Variants in TUSC3 observed in about 807,000 individuals in gnomAD.
TUSC3 encodes the protein dolichyl-diphosphooligosaccharide--protein glycosyltransferase subunit TUSC3.
Under a neutral mutation model 44.8 loss-of-function variants are expected in TUSC3, and 45 were observed. The observed-to-expected ratio is 1.00, with a 90% CI of 0.79 to 1.29. The LOEUF (loss-of-function observed/expected upper bound fraction) is 1.29. Ranked by LOEUF, TUSC3 falls within the 50% of genes most tolerant of loss-of-function variation. TUSC3 has a pLI of 0.00. For missense variants in TUSC3, 519 were observed against 437.9 expected (o/e 1.19, Z -1.65); for synonymous variants, 212 against 152.9 (o/e 1.39, Z -2.85).
At chr8:15,523,702 G>GTATATATATATATATATATA (rs1563273682) in intron 2 of TUSC3, among the ~76,000 whole-genome samples, 9 of 112,030 alleles carry the variant, frequency 8.0e-5, no homozygotes, top group African/African-American at 3.2e-4. Flanking sequence ...GTGTGTGTGT[G>GTATATATATATATATATATA]TGTGTGTATA....
chr8:15,620,560 G>A (rs1805199304), intron 1 of TUSC3, among the ~76,000 whole-genome samples: 2 of 152,108 alleles, frequency 1.3e-5, no homozygotes, highest in African/African-American at 4.8e-5. Flanking sequence ...TATAGTAATT[G>A]TATGATAACT....
intron 9 of TUSC3, among the ~76,000 whole-genome samples, chr8:15,750,819 C>T (rs1811666038): frequency 6.6e-6 from 1 of 152,032 alleles, no homozygotes; most frequent in African/African-American, 2.4e-5. Context: ...GATTTGCCTT[C>T]AGCAGGCCTC....
At chr8:15,632,667 A>G (rs1430889856) in intron 2 of TUSC3, among the ~76,000 whole-genome samples, 1 of 152,158 alleles carries the variant, frequency 6.6e-6, no homozygotes, top group East Asian at 1.9e-4. Context: ...TGAAATGGAG[A>G]TTTTCAAATT....
intron 1 of TUSC3, among the ~76,000 whole-genome samples, chr8:15,567,906 A>G (rs1469153922): frequency 6.6e-6 from 1 of 152,156 alleles, no homozygotes; most frequent in African/African-American, 2.4e-5. Context: ...TGGTAATGAA[A>G]GACACATTGA....
At chr8:15,612,652 C>G (rs1260227645) in intron 1 of TUSC3, among the ~76,000 whole-genome samples, 1 of 152,094 alleles carries the variant, frequency 6.6e-6, no homozygotes, top group Admixed American at 6.6e-5. Flanking sequence ...GAGGAATGGG[C>G]ATCTGAACGT....
chr8:15,747,651 G>A (rs1322799115), intron 8 of TUSC3, among the ~76,000 whole-genome samples: 1 of 152,010 alleles, frequency 6.6e-6, no homozygotes, highest in African/African-American at 2.4e-5. Context: ...AAGGAAATGA[G>A]AAAATAAAGT....
At chr8:15,540,824 C>T (rs1469802817) in intron 1 of TUSC3, among the ~76,000 whole-genome samples, 1 of 152,200 alleles carries the variant, frequency 6.6e-6, no homozygotes, top group African/African-American at 2.4e-5. Context: ...AGACCCAGGG[C>T]GCCTTTATTC....
intron 3 of TUSC3, among the ~76,000 whole-genome samples, chr8:15,653,179 A>G (rs552102659): frequency 6.6e-6 from 1 of 152,282 alleles, no homozygotes; most frequent in East Asian, 1.9e-4. Context: ...TTGAGGAAGC[A>G]GTATGGTGTG....
intron 1 of TUSC3, among the ~76,000 whole-genome samples, chr8:15,604,245 A>C (rs1804425631): frequency 6.6e-6 from 1 of 151,698 alleles, no homozygotes; most frequent in Non-Finnish European, 1.5e-5. Context: ...TATACACATA[A>C]AGATAGATTT....
intron 1 of TUSC3, among the ~76,000 whole-genome samples, chr8:15,428,945 C>T (rs576178308): frequency 2.6e-4 from 40 of 152,250 alleles, no homozygotes; most frequent in South Asian, 1.0e-3. Flanking sequence ...ATGGTGGTTG[C>T]TTTTGCTGTG....
intron 2 of TUSC3, among the ~76,000 whole-genome samples, chr8:15,625,760 A>G (rs539849066): frequency 6.6e-6 from 1 of 152,346 alleles, no homozygotes; most frequent in African/African-American, 2.4e-5. Flanking sequence ...GTGTTCTAAA[A>G]TTTCTAAGAA....
At chr8:15,577,762 T>C (rs1354857863) in intron 1 of TUSC3, among the ~76,000 whole-genome samples, 1 of 143,190 alleles carries the variant, frequency 7.0e-6, no homozygotes, top group East Asian at 2.1e-4. Flanking sequence ...CCTCCAGCTT[T>C]GTTCTTTTGG....
At chr8:15,423,703 G>A (rs1799766278) in intron 1 of TUSC3, among the ~76,000 whole-genome samples, 1 of 151,966 alleles carries the variant, frequency 6.6e-6, no homozygotes, top group East Asian at 1.9e-4. Context: ...GGGGAGAGTG[G>A]GCTTTCTCCA....
At chr8:15,776,106 G>T in the TUSC3 span, among the ~76,000 whole-genome samples, 1 of 151,982 alleles carries the variant, frequency 6.6e-6, no homozygotes, top group South Asian at 2.1e-4. Flanking sequence ...TTATCATGAC[G>T]GAGAGGGTAG....
At chr8:15,564,298 C>T (rs938254779) in intron 1 of TUSC3, among the ~76,000 whole-genome samples, 1 of 152,058 alleles carries the variant, frequency 6.6e-6, no homozygotes, top group Admixed American at 6.6e-5. Context: ...ATTTCTCTAA[C>T]AGCTAAAATA....
intron 1 of TUSC3, among the ~76,000 whole-genome samples, chr8:15,463,639 T>C (rs1480931452): frequency 1.3e-5 from 2 of 152,174 alleles, no homozygotes; most frequent in Non-Finnish European, 2.9e-5. Flanking sequence ...TGAAGCCTTT[T>C]GATTATTACC....
At chr8:15,671,950 GT>G (rs1449854376) in intron 5 of TUSC3, among the ~76,000 whole-genome samples, 3 of 151,914 alleles carry the variant, frequency 2.0e-5, no homozygotes, top group Non-Finnish European at 4.4e-5. Context: ...TAACATACCT[GT>G]TATACAATAG....
At chr8:15,422,151 T>C (rs1799745732) in intron 1 of TUSC3, among the ~76,000 whole-genome samples, 1 of 152,222 alleles carries the variant, frequency 6.6e-6, no homozygotes, top group Admixed American at 6.5e-5. Context: ...ATTCAAATTA[T>C]AATCAATGAA....
At chr8:15,673,423 C>G (rs1392859625) in intron 5 of TUSC3, among the ~76,000 whole-genome samples, 1 of 152,076 alleles carries the variant, frequency 6.6e-6, no homozygotes, top group African/African-American at 2.4e-5. Context: ...AGTGTCTCAT[C>G]TGTGCTTCTG....
Sources: allele counts gnomAD v4.1 joint callset (sites outside exome capture counted in the v4.1 genomes callset), GRCh38; gene constraint gnomAD v4.1.1; transcripts MANE v1.5; gene names NCBI Gene and HGNC (gene_info 2026-07-23, HGNC 2026-07-21).